Variants in ARHGAP35 observed in about 807,000 individuals in gnomAD.
ARHGAP35 encodes rho GTPase-activating protein 35.
In ARHGAP35, 15 loss-of-function variants were observed where a neutral mutation model predicts 111.1. That is an observed-to-expected ratio of 0.13 (90% CI 0.09 to 0.21). The LOEUF (loss-of-function observed/expected upper bound fraction) is 0.21, where lower values mean the gene tolerates loss of function less well. Among genes scored for constraint, ARHGAP35 ranks in the 10% least tolerant of loss-of-function variants. The pLI, the probability that ARHGAP35 is intolerant of heterozygous loss-of-function variation, is 1.00. For missense variants in ARHGAP35, 1,262 were observed against 1,873.0 expected (o/e 0.67, Z 6.02); for synonymous variants, 643 against 710.3 (o/e 0.91, Z 1.51).
chr19:46,966,262 A>T (rs570733936), intron 3 of ARHGAP35, among the ~76,000 whole-genome samples: 4 of 152,180 alleles, frequency 2.6e-5, no homozygotes, highest in Non-Finnish European at 4.4e-5. Context: ...ACAAAATGCA[A>T]TTGAGGCCAG....
At chr19:46,876,399 A>C (rs1053154001) in intron 1 of ARHGAP35, among the ~76,000 whole-genome samples, 1 of 151,290 alleles carries the variant, frequency 6.6e-6, no homozygotes, top group Non-Finnish European at 1.5e-5. Context: ...TTTAAGATGG[A>C]GTCTCACTCT....
Position 46,999,070 on chromosome 19 carries a change from G to A in ARHGAP35, c.4037-234G>A. 1.9e-6 allele frequency: 1 copy of A among 530,838 alleles called. No homozygotes were observed. 32.9% of individuals were successfully genotyped at this position (530,838 alleles called of 1,614,324 possible). ...GGTGGTGGGGGCCAGGAAGCCCCAG[G>A]CACACAGTGCCGCCCTTCAGCGGGG... On this transcript the variant is annotated intron_variant, in intron 5 of 6. Coordinates refer to ENST00000672722, the MANE Select transcript of ARHGAP35 (RefSeq NM_004491.5). The surrounding 1 kb of genome is among the most constrained non-coding windows in gnomAD (Gnocchi z 5.4).
Position 47,001,223 on chromosome 19 carries a change from T to C in ARHGAP35, c.*535T>C. 1.6e-6 allele frequency: 2 copies of C among 1,279,030 alleles called. No individual in the cohort carries two copies. Among genetic ancestry groups the C allele is most frequent in the Non-Finnish European group, 1.0e-6 (1 of 984,198 alleles). 79.2% of individuals were successfully genotyped at this position (1,279,030 alleles called of 1,614,324 possible). ...GTGTAGGCCACGGCTCTGCCACCAC[T>C]AGGTACCTGCTGAGGGCGCTGGCTC... On this transcript the variant is annotated 3_prime_UTR_variant, in exon 7 of 7. Coordinates refer to ENST00000672722, the MANE Select transcript of ARHGAP35 (RefSeq NM_004491.5). This position sits in a 1 kb window ranked among gnomAD's most constrained non-coding sequence, Gnocchi z 5.4.
intron 1 of ARHGAP35, among the ~76,000 whole-genome samples, chr19:46,888,435 C>T (rs1460826000): frequency 1.3e-5 from 2 of 148,582 alleles, no homozygotes; most frequent in African/African-American, 5.0e-5. Flanking sequence ...CCCTCATGCC[C>T]TTGGGTAACG....
At chr19:46,982,969 G>A (rs1257982654) in intron 3 of ARHGAP35, among the ~76,000 whole-genome samples, 3 of 143,132 alleles carry the variant, frequency 2.1e-5, no homozygotes, top group East Asian at 2.1e-4. Flanking sequence ...TGAGAGGATC[G>A]CTTGAGCCTG....
chr19:46,864,926 G>A (rs2055847148), intron 1 of ARHGAP35, among the ~76,000 whole-genome samples: 1 of 152,206 alleles, frequency 6.6e-6, no homozygotes, highest in Admixed American at 6.5e-5. Context: ...CTGCTTAAAT[G>A]TGTGTCCCAG....
chr19:46,981,977 C>T (rs2056623162), intron 3 of ARHGAP35, among the ~76,000 whole-genome samples: 4 of 152,148 alleles, frequency 2.6e-5, no homozygotes, highest in Admixed American at 1.3e-4. Context: ...CCTCAGCCTC[C>T]CAAGTAGCTG....
At chr19:46,939,974 C>T (rs570545075) in intron 3 of ARHGAP35, among the ~76,000 whole-genome samples, 11 of 151,818 alleles carry the variant, frequency 7.2e-5, no homozygotes, top group Middle Eastern at 3.4e-3. Context: ...CAGTGGCTCA[C>T]GACTGTAGTC....
chr19:46,887,100 T>C (rs2055996573), intron 1 of ARHGAP35, among the ~76,000 whole-genome samples: 1 of 152,166 alleles, frequency 6.6e-6, no homozygotes, highest in Non-Finnish European at 1.5e-5. Context: ...TGTTAAATTT[T>C]CTTGACTCCC....
chr19:46,924,039 A>G (rs1222203661), intron 2 of ARHGAP35, among the ~76,000 whole-genome samples: 1 of 152,168 alleles, frequency 6.6e-6, no homozygotes, highest in East Asian at 1.9e-4. Flanking sequence ...ATAATCCTTC[A>G]CCAGCAGATT....
chr19:46,936,455 A>G (rs1338821733), intron 2 of ARHGAP35, among the ~76,000 whole-genome samples: 1 of 152,172 alleles, frequency 6.6e-6, no homozygotes, highest in Admixed American at 6.6e-5. Context: ...CCCCAAGCTA[A>G]TGTATCAAAG....
intron 5 of ARHGAP35, among the ~76,000 whole-genome samples, chr19:46,995,125 G>C (rs560886919): frequency 2.6e-5 from 4 of 152,076 alleles, no homozygotes; most frequent in African/African-American, 9.7e-5. Context: ...AAAAAGGCTG[G>C]GTACAGTGTG....
chr19:46,861,905 G>A (rs1455021343), intron 1 of ARHGAP35, among the ~76,000 whole-genome samples: 1 of 121,544 alleles, frequency 8.2e-6, no homozygotes, highest in African/African-American at 3.5e-5. Flanking sequence ...CCGTTCCCTC[G>A]TGGGCCCTAC....
At chr19:46,944,336 T>C (rs2122236330) in intron 3 of ARHGAP35, among the ~76,000 whole-genome samples, 2 of 151,856 alleles carry the variant, frequency 1.3e-5, no homozygotes, top group South Asian at 4.2e-4. Flanking sequence ...TTGCTCACTG[T>C]AAAACAAATT....
At chr19:46,896,580 C>T (rs533020920) in intron 1 of ARHGAP35, among the ~76,000 whole-genome samples, 61 of 152,326 alleles carry the variant, frequency 4.0e-4, no homozygotes, top group Admixed American at 4.6e-4. Flanking sequence ...AGAAAGCTCA[C>T]GCTGTGCAGC....
In ARHGAP35 at chr19:46,918,672, G is replaced by A. The variant is rs751327296; in HGVS notation, c.-4G>A. 40 of 1,609,652 alleles carry A rather than the reference G, an allele frequency of 2.5e-5. 1 individual carries two copies. The African/African-American group carries it at 2.7e-4, about 11-fold the overall frequency. Reference sequence around the variant, plus strand: ...GTGGCTGATCGTGGCAGGATGTGTCGACGATGATGATGGCAAGAAAGCAAG... The same window carrying A: ...GTGGCTGATCGTGGCAGGATGTGTCAACGATGATGATGGCAAGAAAGCAAG... On this transcript the variant is annotated 5_prime_UTR_variant, in exon 2 of 7. Coordinates refer to ENST00000672722, the MANE Select transcript of ARHGAP35 (RefSeq NM_004491.5). This position sits in a 1 kb window ranked among gnomAD's most constrained non-coding sequence, Gnocchi z 5.4.
rs758264448 is a variant in ARHGAP35 at position 47,000,626 on chromosome 19, A to C, written c.4438A>C (p.Thr1480Pro). 5.1e-5 allele frequency: 78 copies of C among 1,534,300 alleles called. No individual in the cohort carries two copies. The highest frequency in any genetic ancestry group is 2.8e-4 in the African/African-American group (17 of 60,222). ...QPSPPQSPPP[T>P]PQSPMQPLLP... ...GTCGCCCCCACAGTCGCCTCCACCCACCCCCCAGTCCCCAATGCAGCCACT... is the reference window on the plus strand; with the variant it reads ...GTCGCCCCCACAGTCGCCTCCACCCCCCCCCCAGTCCCCAATGCAGCCACT... Residue 1480 changes from threonine to proline, a missense_variant, in exon 7 of 7, where the codon ACC becomes CCC. Physicochemically the swap from Thr to Pro is conservative, Grantham distance 38. Around this residue, in one of 8 missense-constraint regions of ARHGAP35, gnomAD observed 75 missense variants for 87.0 expected, o/e 0.86. Transcript: ENST00000672722. This position sits in a 1 kb window ranked among gnomAD's most constrained non-coding sequence, Gnocchi z 6.9.
chr19:46,931,289 C>T (rs933981364), intron 2 of ARHGAP35, among the ~76,000 whole-genome samples: 1 of 152,186 alleles, frequency 6.6e-6, no homozygotes. Flanking sequence ...GCACGTCAGG[C>T]CCTGGAACCC....
At position 47,004,207 on chromosome 19, in the gene ARHGAP35, G is replaced by A. The variant is rs1465952719; in HGVS notation, c.*3519G>A. The A allele has an allele frequency of 6.6e-6, 1 of 152,386 alleles. No individual in the cohort carries two copies. Among genetic ancestry groups the A allele is most frequent in the African/African-American group, 2.4e-5 (1 of 41,564 alleles). The allele number at this position is 152,386 out of a possible 1,614,324, so 9.4% of individuals were successfully genotyped here. A position where few individuals can be genotyped will look rare whatever the true frequency, so the allele number is the denominator to read the frequency against. On this transcript the variant is annotated 3_prime_UTR_variant, in exon 7 of 7. Transcript: ENST00000672722. ...GCTTCGTGGCTCTGAGGTGTAACGG[G>A]GGTGGGCTCCCTCCCTCGGAGGACA... is the stretch of plus-strand genomic sequence containing the variant.
Sources: allele counts gnomAD v4.1 joint callset (sites outside exome capture counted in the v4.1 genomes callset), GRCh38; gene constraint gnomAD v4.1.1; regional missense constraint gnomAD v4.1.1; non-coding constraint Gnocchi (gnomAD v3.1); transcripts MANE v1.5; gene names NCBI Gene and HGNC (gene_info 2026-07-23, HGNC 2026-07-21).